The following NEBL variants were observed in gnomAD, a reference collection of about 807,000 sequenced individuals.
The protein encoded by NEBL is LIM and SH3 protein 2.
A neutral mutation model predicts 140.2 loss-of-function variants in NEBL; 122 were observed. The observed-to-expected ratio is 0.87, with a 90% CI of 0.75 to 1.01. The LOEUF (loss-of-function observed/expected upper bound fraction) is 1.01, where lower values mean the gene tolerates loss of function less well. Among genes scored for constraint, NEBL ranks in the 50% least tolerant of loss-of-function variants. The pLI, the probability that NEBL is intolerant of heterozygous loss-of-function variation, is 0.00. For synonymous variants in NEBL, 436 were observed against 398.9 expected, an observed-to-expected ratio of 1.09 and a Z score of -1.11; for missense variants, 1,365 against 1,231.3, an observed-to-expected ratio of 1.11 and a Z score of -1.62.
chr10:20,803,040 TTC>T (rs1220040292), intron 26 of NEBL, among the ~76,000 whole-genome samples: 1 of 152,118 alleles, frequency 6.6e-6, no homozygotes, highest in Non-Finnish European at 1.5e-5. Context: ...CGTCCTCCAG[TTC>T]AGGGTTCCGG....
intron 2 of NEBL, among the ~76,000 whole-genome samples, chr10:21,090,184 C>T (rs1464399232): frequency 6.6e-6 from 1 of 152,196 alleles, no homozygotes; most frequent in Non-Finnish European, 1.5e-5. Flanking sequence ...GCTTGCAAAA[C>T]AGTATTTATC....
At chr10:20,985,915 T>C (rs1435636846) in intron 3 of NEBL, among the ~76,000 whole-genome samples, 2 of 152,214 alleles carry the variant, frequency 1.3e-5, no homozygotes. Context: ...TTTATTTTCA[T>C]TATTGTTGTT....
intron 26 of NEBL, among the ~76,000 whole-genome samples, chr10:20,792,850 C>T (rs1013638840): frequency 1.3e-5 from 2 of 151,720 alleles, no homozygotes; most frequent in Non-Finnish European, 2.9e-5. Context: ...AGCAAGGTGG[C>T]TGTGCTGCTT....
intron 3 of NEBL, among the ~76,000 whole-genome samples, chr10:20,979,507 C>G (rs142860463): frequency 1.2e-3 from 177 of 152,242 alleles, no homozygotes; most frequent in African/African-American, 3.9e-3. Flanking sequence ...GTATAATTCT[C>G]AGAAGAGATC....
chr10:20,968,575 G>T (rs570749273), intron 3 of NEBL, among the ~76,000 whole-genome samples: 1 of 152,116 alleles, frequency 6.6e-6, no homozygotes, highest in African/African-American at 2.4e-5. Flanking sequence ...AAGGGGATGC[G>T]TCGCATGTAT....
chr10:21,124,432 T>G (rs1564519442), intron 2 of NEBL, among the ~76,000 whole-genome samples: 1 of 152,214 alleles, frequency 6.6e-6, no homozygotes, highest in Non-Finnish European at 1.5e-5. Context: ...TGGGCCTTTT[T>G]TCCCTAGTAG....
At chr10:20,898,146 G>T (rs1847657513), upstream of NEBL, among the ~76,000 whole-genome samples, 1 of 151,996 alleles carries the variant, frequency 6.6e-6, no homozygotes, top group Non-Finnish European at 1.5e-5. Flanking sequence ...TGTAGTGTAT[G>T]TCCTTGGTTA....
At chr10:20,789,953 G>GTATA (rs144361238) in intron 26 of NEBL, among the ~76,000 whole-genome samples, 143 of 146,448 alleles carry the variant, frequency 9.8e-4, no homozygotes, top group African/African-American at 3.4e-3. Context: ...ATATGTGTGT[G>GTATA]TATATATATA....
chr10:21,155,182 G>C (rs111764914), intron 2 of NEBL, among the ~76,000 whole-genome samples: 156 of 152,262 alleles, frequency 1.0e-3, no homozygotes, highest in African/African-American at 3.2e-3. Flanking sequence ...CTCGGCGACA[G>C]AGCAAGACTC....
At chr10:21,182,466 A>T (rs1841403561) in intron 3 of NEBL, among the ~76,000 whole-genome samples, 1 of 152,204 alleles carries the variant, frequency 6.6e-6, no homozygotes, top group Non-Finnish European at 1.5e-5. Flanking sequence ...ACAGAAACAG[A>T]CCTTATCTCT....
chr10:20,932,430 G>A (rs909784715), intron 4 of NEBL, among the ~76,000 whole-genome samples: 1 of 152,108 alleles, frequency 6.6e-6, no homozygotes, highest in African/African-American at 2.4e-5. Flanking sequence ...TGGGGGGTGG[G>A]GGAGAAAGGG....
At chr10:21,215,844 G>T (rs577138176) in intron 3 of NEBL, among the ~76,000 whole-genome samples, 1 of 152,072 alleles carries the variant, frequency 6.6e-6, no homozygotes, top group Admixed American at 6.5e-5. Flanking sequence ...TTTTTGATTT[G>T]GTTATTTATA....
Position 20,924,413 on chromosome 10 carries a change from T to TAAAAAAAAAA in NEBL, c.357+37249_357+37258dup, listed in dbSNP as rs71390800. ...CTATAGCTCTCGATCAGGCATGAAG[T>TAAAAAAAAAA]AAAAAAAAAAAAAAAAAAAAAAAAA... is the stretch of plus-strand genomic sequence containing the variant. On this transcript the variant is annotated intron_variant, in intron 4 of 6. Transcript: ENST00000417816. 1.2e-3 allele frequency among the ~76,000 whole-genome samples: 69 copies of TAAAAAAAAAA among 59,054 alleles called. 2 individuals carry two copies. The highest frequency in any genetic ancestry group is 3.0e-3 in the African/African-American group (45 of 15,088). 38.7% of individuals were successfully genotyped at this position (59,054 alleles called of 152,430 possible).
At chr10:21,144,107 G>T (rs1258666254) in intron 2 of NEBL, among the ~76,000 whole-genome samples, 1 of 152,224 alleles carries the variant, frequency 6.6e-6, no homozygotes, top group Non-Finnish European at 1.5e-5. Flanking sequence ...AGCACTGTTT[G>T]TGCCCTTGGA....
At chr10:21,185,487 C>CTTTTTTTTTTTT (rs10612676) in intron 3 of NEBL, among the ~76,000 whole-genome samples, 1 of 72,050 alleles carries the variant, frequency 1.4e-5, no homozygotes, top group African/African-American at 7.5e-5. Flanking sequence ...ATTTTCTTTC[C>CTTTTTTTTTTTT]TTTTTTTTTT....
chr10:21,184,175 G>A (rs536558844), intron 3 of NEBL, among the ~76,000 whole-genome samples: 5 of 152,216 alleles, frequency 3.3e-5, no homozygotes, highest in African/African-American at 4.8e-5. Context: ...AGTAGTCCAC[G>A]TGACTATTAC....
At chr10:20,985,759 T>C (rs2131674396) in intron 3 of NEBL, among the ~76,000 whole-genome samples, 1 of 152,240 alleles carries the variant, frequency 6.6e-6, no homozygotes, top group East Asian at 1.9e-4. Context: ...AGAGTAGCTC[T>C]GTCTAAAAAG....
In NEBL at chr10:20,784,326, T is replaced by C. The variant is rs1261133991; in HGVS notation, c.*1421A>G. 6.7e-6 allele frequency: 1 copy of C among 148,902 alleles called. No individual in the cohort carries two copies. The highest frequency in any genetic ancestry group is 1.5e-5 in the Non-Finnish European group (1 of 67,682). The allele number at this position is 148,902 out of a possible 1,614,324, so 9.2% of individuals were successfully genotyped here. ...GGTGACCTGGACTGCAGACTCTGGA[T>C]GAAATTTCAAGACCCACCAGCAAGG... On this transcript the variant is annotated 3_prime_UTR_variant, in exon 28 of 28. Coordinates refer to ENST00000377122, the MANE Select transcript of NEBL (RefSeq NM_006393.3).
chr10:21,035,161 C>A (rs1833963762), intron 2 of NEBL, among the ~76,000 whole-genome samples: 1 of 151,852 alleles, frequency 6.6e-6, no homozygotes, highest in Non-Finnish European at 1.5e-5. Context: ...CCACGCCTGG[C>A]TAATTTTTGT....
Sources: allele counts gnomAD v4.1 joint callset (sites outside exome capture counted in the v4.1 genomes callset), GRCh38; gene constraint gnomAD v4.1.1; transcripts MANE v1.5; gene names NCBI Gene and HGNC (gene_info 2026-07-23, HGNC 2026-07-21).